The following TM2D1 variants were observed in gnomAD, a reference collection of about 807,000 sequenced individuals.
TM2D1 encodes the protein TM2 domain-containing protein 1.
Under a neutral mutation model 28.4 loss-of-function variants are expected in TM2D1, and 15 were observed. That is an observed-to-expected ratio of 0.53 (90% CI 0.35 to 0.81). TM2D1 has a LOEUF of 0.81. Ranked by LOEUF, TM2D1 falls within the 40% of genes least tolerant of loss-of-function variation. TM2D1 has a pLI of 0.01. For missense variants in TM2D1, 236 were observed against 254.9 expected (o/e 0.93, Z 0.50); for synonymous variants, 93 against 96.2 (o/e 0.97, Z 0.20).
chr1:61,701,587 G>A (rs1644402500), intron 3 of TM2D1, among the ~76,000 whole-genome samples: 1 of 150,446 alleles, frequency 6.6e-6, no homozygotes, highest in East Asian at 1.9e-4. Flanking sequence ...GTGTGTGTGT[G>A]TGTATTTTAT....
rs371739529 is a variant in TM2D1 at position 61,700,902 on chromosome 1, A to G, written c.439+32T>C. The G allele has an allele frequency of 9.8e-6, 15 of 1,523,706 alleles. No individual in the cohort carries two copies. The Middle Eastern group carries it at 6.9e-4, about 70-fold the overall frequency. 94.4% of individuals were successfully genotyped at this position (1,523,706 alleles called of 1,614,324 possible). On this transcript the variant is annotated intron_variant, in intron 4 of 6. Coordinates refer to ENST00000606498, the MANE Select transcript of TM2D1 (RefSeq NM_032027.3). ...TACAATGAACTAAAATATAGGTTTC[A>G]TAAGGATTTTTTTTTAATGAAACAT...
chr1:61,723,782 T>C lies in TM2D1; in HGVS notation c.169A>G (p.Ile57Val). The change falls in exon 2 of 7, where the codon ATT (isoleucine) becomes GTT (valine). Residue 57 changes from isoleucine (I) to valine (V), a missense_variant. Ile to Val is a conservative substitution (Grantham distance 29). Around this residue, in one of 3 missense-constraint regions of TM2D1, gnomAD observed 167 missense variants for 162.7 expected, o/e 1.03. Transcript: ENST00000606498. ...KCEDLKVGQY[I>V]CKDPKINDAT... The stretch of plus-strand genomic sequence containing the variant: ...TCATTTATTTTTGGATCTTTACAAA[T>C]ATATGTAAAAAAAAAAGTTAAGGAA... The C allele has an allele frequency of 6.7e-7, 1 of 1,502,264 alleles. No individual in the cohort carries two copies. Among genetic ancestry groups the C allele is most frequent in the South Asian group, 1.2e-5 (1 of 80,208 alleles). 93.1% of individuals were successfully genotyped at this position (1,502,264 alleles called of 1,614,324 possible).
At chr1:61,716,325 C>T (rs549142254) in intron 2 of TM2D1, among the ~76,000 whole-genome samples, 6 of 148,216 alleles carry the variant, frequency 4.0e-5, no homozygotes, top group Middle Eastern at 7.1e-3. Context: ...CTCTACTCTC[C>T]GCCAACCCCC....
chr1:61,718,221 T>A (rs1176747955), intron 2 of TM2D1, among the ~76,000 whole-genome samples: 1 of 149,170 alleles, frequency 6.7e-6, no homozygotes, highest in Non-Finnish European at 1.5e-5. Flanking sequence ...GCCTGGGAGG[T>A]GGAGGTTAGA....
chr1:61,720,845 T>C (rs531363032), intron 2 of TM2D1, among the ~76,000 whole-genome samples: 2 of 152,140 alleles, frequency 1.3e-5, no homozygotes, highest in South Asian at 4.1e-4. Flanking sequence ...CCTTTGCCTT[T>C]TGTCCCAATT....
In TM2D1 at chr1:61,700,997, C is replaced by A; in HGVS notation, c.376G>T (p.Ala126Ser). The stretch of plus-strand genomic sequence containing the variant: ...AACCATCCAAGAAAAAGAGACAATG[C>A]GACTGCCACTTTGTAGGAATAGCCA... ...VNGYSYKVAV[A>S]LSLFLGWLGA... The change falls in exon 4 of 7, where the codon GCA (alanine) becomes TCA (serine). Residue 126 changes from alanine (A) to serine (S), a missense_variant. Physicochemically the swap from Ala to Ser is moderately conservative, Grantham distance 99. Coordinates refer to ENST00000606498, the MANE Select transcript of TM2D1 (RefSeq NM_032027.3). 2.5e-6 allele frequency: 4 copies of A among 1,607,812 alleles called. No individual in the cohort carries two copies. The highest frequency in any genetic ancestry group is 2.2e-5 in the South Asian group (2 of 90,020).
intron 2 of TM2D1, among the ~76,000 whole-genome samples, chr1:61,717,367 CA>C (rs767043287): frequency 0.054 from 6,526 of 121,510 alleles, 158 homozygotes; most frequent in Non-Finnish European, 0.077. Flanking sequence ...GACTCCGCCT[CA>C]AAAAAAAAAA....
At chr1:61,703,976 G>C (rs146408631) in intron 3 of TM2D1, among the ~76,000 whole-genome samples, 1 of 150,476 alleles carries the variant, frequency 6.6e-6, no homozygotes, top group Non-Finnish European at 1.5e-5. Context: ...GGCTGGTCTC[G>C]AACTCCTGAC....
intron 2 of TM2D1, among the ~76,000 whole-genome samples, chr1:61,719,488 T>A (rs564009760): frequency 6.6e-5 from 10 of 151,696 alleles, no homozygotes; most frequent in Admixed American, 6.6e-4. Flanking sequence ...GTTTTGTGGG[T>A]TTTTTTGTTT....
At chr1:61,685,319 A>T (rs1018268387) in intron 5 of TM2D1, among the ~76,000 whole-genome samples, 2 of 152,202 alleles carry the variant, frequency 1.3e-5, no homozygotes, top group African/African-American at 4.8e-5. Flanking sequence ...CTTTTATTTA[A>T]ATATGTAAAT....
At chr1:61,691,935 A>ATATATATATATATG (rs1557527303) in intron 5 of TM2D1, among the ~76,000 whole-genome samples, 18 of 75,752 alleles carry the variant, frequency 2.4e-4, no homozygotes, top group African/African-American at 5.7e-4. Flanking sequence ...AAAAAAAAAT[A>ATATATATATATATG]TATATATATA....
intron 3 of TM2D1, among the ~76,000 whole-genome samples, chr1:61,703,718 T>TTATATA (rs56267637): frequency 1.2e-3 from 120 of 99,068 alleles, no homozygotes; most frequent in African/African-American, 3.6e-3. Flanking sequence ...TAGCCAATCT[T>TTATATA]TATATATATA....
chr1:61,716,764 GTTTA>G (rs1391015105), intron 2 of TM2D1, among the ~76,000 whole-genome samples: 2 of 151,774 alleles, frequency 1.3e-5, no homozygotes, highest in Non-Finnish European at 2.9e-5. Context: ...CAACCCTAGA[GTTTA>G]TTTGTTTAGA....
intron 2 of TM2D1, among the ~76,000 whole-genome samples, chr1:61,722,429 C>T (rs555943834): frequency 6.6e-6 from 1 of 152,122 alleles, no homozygotes; most frequent in Admixed American, 6.6e-5. Context: ...AGTGCAATGG[C>T]GCGATCTCGG....
chr1:61,712,091 C>A (rs1034969739), intron 2 of TM2D1, among the ~76,000 whole-genome samples: 11 of 151,970 alleles, frequency 7.2e-5, no homozygotes, highest in African/African-American at 2.7e-4. Flanking sequence ...CCCCAGAGGA[C>A]ATTTGGCAAG....
chr1:61,705,068 T>G (rs1375492098), intron 3 of TM2D1, among the ~76,000 whole-genome samples: 2 of 152,164 alleles, frequency 1.3e-5, no homozygotes, highest in African/African-American at 4.8e-5. Flanking sequence ...CAGATAAGTA[T>G]TATCAGAACA....
At chr1:61,681,940 T>C (rs1267435024) in intron 6 of TM2D1, among the ~76,000 whole-genome samples, 1 of 152,146 alleles carries the variant, frequency 6.6e-6, no homozygotes, top group Non-Finnish European at 1.5e-5. Context: ...TAAGAAGAGG[T>C]AGATGGATCT....
intron 6 of TM2D1, among the ~76,000 whole-genome samples, chr1:61,682,060 G>A (rs561302036): frequency 1.3e-5 from 2 of 152,170 alleles, no homozygotes; most frequent in South Asian, 4.2e-4. Flanking sequence ...GTGTGTCACT[G>A]TTCAATCCCA....
intron 4 of TM2D1, chr1:61,700,069 T>A (rs1398111484): frequency 7.1e-7 from 1 of 1,403,464 alleles, no homozygotes; most frequent in African/African-American, 1.5e-5. Flanking sequence ...AGCAGAGTAC[T>A]ACAGTAAATA....
Sources: allele counts gnomAD v4.1 joint callset (sites outside exome capture counted in the v4.1 genomes callset), GRCh38; gene constraint gnomAD v4.1.1; regional missense constraint gnomAD v4.1.1; transcripts MANE v1.5; gene names NCBI Gene and HGNC (gene_info 2026-07-23, HGNC 2026-07-21).